Variants in EFNA5 observed in about 807,000 individuals in gnomAD.
The protein encoded by EFNA5 is ephrin-A5.
In EFNA5, 5 loss-of-function variants were observed where a neutral mutation model predicts 22.9. That is an observed-to-expected ratio of 0.22 (90% confidence interval 0.11 to 0.46). The LOEUF is 0.46. EFNA5 is among the 20% of genes least tolerant of loss of function. The probability of loss-of-function intolerance (pLI) is 0.99; values close to 1 mark genes in which losing one functional copy is unlikely to be tolerated. For missense variants in EFNA5, 237 were observed against 293.3 expected, an observed-to-expected ratio of 0.81 and a Z score of 1.40; for synonymous variants, 113 against 112.2, an observed-to-expected ratio of 1.01 and a Z score of -0.04.
At chr5:107,485,986 T>C (rs1197655019) in intron 1 of EFNA5, among the ~76,000 whole-genome samples, 2 of 152,194 alleles carry the variant, frequency 1.3e-5, no homozygotes, top group Non-Finnish European at 2.9e-5. Context: ...AACTTTCAGG[T>C]TCACCTTTAA....
At chr5:107,522,286 C>T (rs192142200) in intron 1 of EFNA5, among the ~76,000 whole-genome samples, 1 of 152,192 alleles carries the variant, frequency 6.6e-6, no homozygotes, top group Admixed American at 6.5e-5. Context: ...TTTTGTGATA[C>T]AAGGAAATGT....
chr5:107,569,460 T>C (rs1235443067), intron 1 of EFNA5, among the ~76,000 whole-genome samples: 2 of 141,168 alleles, frequency 1.4e-5, no homozygotes, highest in African/African-American at 2.6e-5. Flanking sequence ...TGTGTGTATA[T>C]ATATTTATAT....
chr5:107,657,517 T>C (rs1750855045), intron 1 of EFNA5, among the ~76,000 whole-genome samples: 1 of 152,134 alleles, frequency 6.6e-6, no homozygotes, highest in South Asian at 2.1e-4. Context: ...CTTAATAATA[T>C]TCATAGTTAT....
At chr5:107,669,770 C>T (rs754826329) in intron 1 of EFNA5, among the ~76,000 whole-genome samples, 1 of 152,130 alleles carries the variant, frequency 6.6e-6, no homozygotes, top group Non-Finnish European at 1.5e-5. Context: ...GCTTGTTCTG[C>T]ACACATGACG....
At chr5:107,495,281 G>A (rs886619608) in intron 1 of EFNA5, among the ~76,000 whole-genome samples, 5 of 152,092 alleles carry the variant, frequency 3.3e-5, no homozygotes, top group South Asian at 2.1e-4. Context: ...CGGGAGGAAC[G>A]AACAACTCCA....
chr5:107,545,830 C>T (rs146451599), intron 1 of EFNA5, among the ~76,000 whole-genome samples: 1,981 of 152,252 alleles, frequency 0.013, 43 homozygotes, highest in African/African-American at 0.044. Context: ...GAAAGCCATT[C>T]GTTTTTTTCC....
chr5:107,440,634 C>T (rs770683927), intron 1 of EFNA5, among the ~76,000 whole-genome samples: 1 of 152,160 alleles, frequency 6.6e-6, no homozygotes, highest in Admixed American at 6.6e-5. Flanking sequence ...TTCTTCAGTA[C>T]TCAGTAGTGC....
intron 1 of EFNA5, among the ~76,000 whole-genome samples, chr5:107,463,039 C>T (rs751740747): frequency 6.6e-6 from 1 of 152,086 alleles, no homozygotes; most frequent in Non-Finnish European, 1.5e-5. Context: ...GTTCAGTTTC[C>T]TCATCTATGA....
chr5:107,587,002 C>G (rs533888161), intron 1 of EFNA5, among the ~76,000 whole-genome samples: 2 of 152,170 alleles, frequency 1.3e-5, no homozygotes, highest in East Asian at 3.9e-4. Flanking sequence ...TGGAATCTTC[C>G]CAGATCCATG....
intron 4 of EFNA5, among the ~76,000 whole-genome samples, chr5:107,386,850 T>A (rs1347995848): frequency 6.6e-6 from 1 of 152,206 alleles, no homozygotes; most frequent in Non-Finnish European, 1.5e-5. Context: ...ACATAAAAAA[T>A]AAAATTTTAT....
At chr5:107,460,463 T>A (rs1749807575) in intron 1 of EFNA5, among the ~76,000 whole-genome samples, 1 of 152,172 alleles carries the variant, frequency 6.6e-6, no homozygotes, top group African/African-American at 2.4e-5. Context: ...CACGTATGAA[T>A]AATGAGGCTC....
intron 2 of EFNA5, among the ~76,000 whole-genome samples, chr5:107,397,224 C>T (rs1437281665): frequency 6.6e-6 from 1 of 152,096 alleles, no homozygotes; most frequent in Non-Finnish European, 1.5e-5. Context: ...GCACTCCAGC[C>T]CTGTCGGCAG....
intron 1 of EFNA5, among the ~76,000 whole-genome samples, chr5:107,628,491 G>C (rs1425954501): frequency 6.6e-6 from 1 of 152,048 alleles, no homozygotes. Flanking sequence ...ATGAAAATTT[G>C]TCACTAAGTA....
At chr5:107,417,292 C>T (rs1390551754) in intron 2 of EFNA5, among the ~76,000 whole-genome samples, 2 of 152,112 alleles carry the variant, frequency 1.3e-5, no homozygotes, top group Non-Finnish European at 2.9e-5. Flanking sequence ...GCTGGCTGTT[C>T]TCCAATTCAT....
intron 1 of EFNA5, among the ~76,000 whole-genome samples, chr5:107,586,598 A>T (rs73198694): frequency 0.018 from 2,815 of 152,218 alleles, 90 homozygotes; most frequent in African/African-American, 0.064. Flanking sequence ...TACCCAAAAT[A>T]ATTATTATCT....
intron 1 of EFNA5, among the ~76,000 whole-genome samples, chr5:107,474,903 C>T (rs1303085271): frequency 2.0e-5 from 3 of 152,142 alleles, no homozygotes; most frequent in African/African-American, 7.2e-5. Flanking sequence ...AGGTTCCTAC[C>T]ATTCAAGGCC....
At chr5:107,555,207 T>C (rs942365456) in intron 1 of EFNA5, among the ~76,000 whole-genome samples, 1 of 152,226 alleles carries the variant, frequency 6.6e-6, no homozygotes, top group African/African-American at 2.4e-5. Flanking sequence ...ATGACTGGAA[T>C]CCTCAAATCA....
chr5:107,468,567 TGAAATCTTCCAG>T, intron 1 of EFNA5, among the ~76,000 whole-genome samples: 1 of 152,324 alleles, frequency 6.6e-6, no homozygotes, highest in East Asian at 1.9e-4. Context: ...GAGGTGCTTT[TGAAATCTTCCAG>T]GACTAAAGAA....
intron 1 of EFNA5, among the ~76,000 whole-genome samples, chr5:107,504,584 A>G (rs1747212777): frequency 6.6e-6 from 1 of 152,238 alleles, no homozygotes; most frequent in Non-Finnish European, 1.5e-5. Flanking sequence ...AAGAGCACAG[A>G]CAGATACAGA....
Sources: allele counts gnomAD v4.1 joint callset (sites outside exome capture counted in the v4.1 genomes callset), GRCh38; gene constraint gnomAD v4.1.1; transcripts MANE v1.5; gene names NCBI Gene and HGNC (gene_info 2026-07-23, HGNC 2026-07-21).